Variants in FGF3 observed in about 807,000 individuals in gnomAD.
FGF3 encodes the protein fibroblast growth factor 3.
FGF3 carries 7 observed loss-of-function variants against 9.8 expected under a neutral mutation model. The ratio of observed to expected loss-of-function variants is 0.72; its 90% CI spans 0.41 to 1.35. FGF3 has a LOEUF of 1.35. Among genes scored for constraint, FGF3 ranks in the 40% most tolerant of loss-of-function variants. The pLI is 0.01. For missense variants in FGF3, 390 were observed against 345.6 expected, an observed-to-expected ratio of 1.13 and a Z score of -1.02; for synonymous variants, 173 against 157.2, an observed-to-expected ratio of 1.10 and a Z score of -0.75.
rs11263586 is a variant in FGF3 at position 69,810,903 on chromosome 11, T to A, written c.325-203A>T. 7.7e-3 allele frequency among the ~76,000 whole-genome samples: 1,179 copies of A among 152,360 alleles called. 12 individuals are homozygous for A. The highest frequency in any genetic ancestry group is 0.026 in the African/African-American group (1,094 of 41,576). On this transcript the variant is annotated intron_variant, in intron 2 of 2. Coordinates refer to ENST00000334134, the MANE Select transcript of FGF3 (RefSeq NM_005247.4). ...TCCTCCCCTGTGTGCCTGGTGAACT[T>A]GGCCTTCTGCCTAAAGGTCACCTTC...
Position 69,818,977 on chromosome 11 carries a change from G to A in FGF3, c.-44C>T. 1.5e-6 allele frequency: 2 copies of A among 1,344,380 alleles called. No individual in the cohort carries two copies. The highest frequency in any genetic ancestry group is 2.0e-6 in the Non-Finnish European group (2 of 1,017,302). The allele number at this position is 1,344,380 out of a possible 1,614,324, so 83.3% of individuals were successfully genotyped here. ...CCGCGGCGGCGGCGGCTGCAGGCGA[G>A]CGCGGCGCCCATGGAAGGGGCGGCA... On this transcript the variant is annotated 5_prime_UTR_variant, in exon 1 of 3. Coordinates refer to ENST00000334134, the MANE Select transcript of FGF3 (RefSeq NM_005247.4).
chr11:69,814,020 C>A (rs1398072503), intron 2 of FGF3, among the ~76,000 whole-genome samples: 1 of 150,334 alleles, frequency 6.7e-6, no homozygotes, highest in Non-Finnish European at 1.5e-5. Flanking sequence ...TGTGAATGGG[C>A]AGATGGACAG....
chr11:69,815,508 G>A (rs1228070747), intron 2 of FGF3, among the ~76,000 whole-genome samples: 3 of 152,202 alleles, frequency 2.0e-5, no homozygotes, highest in Non-Finnish European at 4.4e-5. Flanking sequence ...TGCGGGATGT[G>A]TCCTCTGTGA....
chr11:69,811,639 G>T (rs1035694179), intron 2 of FGF3, among the ~76,000 whole-genome samples: 2 of 152,176 alleles, frequency 1.3e-5, no homozygotes, highest in Non-Finnish European at 2.9e-5. Flanking sequence ...TAAGCTGGAG[G>T]ATCTCGCCTT....
chr11:69,817,322 A>C (rs1013469412), intron 1 of FGF3, among the ~76,000 whole-genome samples: 18 of 152,290 alleles, frequency 1.2e-4, no homozygotes, highest in African/African-American at 3.6e-4. Flanking sequence ...CTTTTGCTCC[A>C]GCCCAGGGGT....
chr11:69,813,644 ATGGGTGGATGGATGGATGGGTGGATGGC>A (rs1856065545), intron 2 of FGF3, among the ~76,000 whole-genome samples: 4 of 108,812 alleles, frequency 3.7e-5, no homozygotes, highest in Non-Finnish European at 5.9e-5. Flanking sequence ...GGATGGGTGG[ATGGGTGGATGGATGGATGGGTGGATGGC>A]TGGATGGATG....
At chr11:69,810,800 C>T (rs144023034) in intron 2 of FGF3, 100 bp from the exon 3 acceptor site, 5 of 1,099,448 alleles carry the variant, frequency 4.5e-6, no homozygotes, top group East Asian at 5.4e-5. Flanking sequence ...TGAGGCTGTT[C>T]GGTCCAGTGC....
chr11:69,814,384 T>C (rs1554980863), intron 2 of FGF3, among the ~76,000 whole-genome samples: 2 of 150,846 alleles, frequency 1.3e-5, no homozygotes, highest in South Asian at 4.2e-4. Flanking sequence ...GAGTGGCTGG[T>C]GGGGCGATGA....
chr11:69,813,179 A>C (rs547362358), intron 2 of FGF3, among the ~76,000 whole-genome samples: 2 of 152,278 alleles, frequency 1.3e-5, no homozygotes, highest in East Asian at 3.9e-4. Context: ...GTGACTTCTA[A>C]AGGGAGCTGT....
chr11:69,810,741 T>A (rs1554980397), intron 2 of FGF3, 41 bp from the exon 3 acceptor site: 1 of 1,500,730 alleles, frequency 6.7e-7, no homozygotes, highest in Non-Finnish European at 8.9e-7. Flanking sequence ...CCGGGGAGAC[T>A]GTGGCAGCGT....
At position 69,819,259 on chromosome 11, in the gene FGF3, A is replaced by C. The variant is rs551221036; in HGVS notation, c.-326T>G. ...AAAGGCCGACGTGGTCCCCAGGCGGAGGCGCGGGAGGGGCGGGAGGCCGGC... is the reference window on the plus strand; with the variant it reads ...AAAGGCCGACGTGGTCCCCAGGCGGCGGCGCGGGAGGGGCGGGAGGCCGGC... On this transcript the variant is annotated 5_prime_UTR_variant, in exon 1 of 3. Coordinates refer to ENST00000334134, the MANE Select transcript of FGF3 (RefSeq NM_005247.4). Among the ~76,000 whole-genome samples, 1,163 of 150,836 alleles carry C rather than the reference A, an allele frequency of 7.7e-3. 14 individuals carry two copies. The Middle Eastern group carries it at 0.097, about 13-fold the overall frequency.
intron 2 of FGF3, among the ~76,000 whole-genome samples, chr11:69,813,121 C>T (rs1272939926): frequency 1.3e-5 from 2 of 152,274 alleles, no homozygotes; most frequent in Non-Finnish European, 2.9e-5. Context: ...GCTTCCACCC[C>T]ATGAAGGGTG....
chr11:69,811,021 T>A (rs1856022201), intron 2 of FGF3, among the ~76,000 whole-genome samples: 1 of 152,178 alleles, frequency 6.6e-6, no homozygotes, highest in African/African-American at 2.4e-5. Context: ...AGCAAAGGGA[T>A]GTGTAGGGTT....
chr11:69,818,793 C>A lies in FGF3; in HGVS notation c.141G>T (p.Lys47Asn), dbSNP rs1317320809. Residue 47 changes from lysine to asparagine, a missense_variant, in exon 1 of 3, where the codon AAG becomes AAT. Coordinates refer to ENST00000334134, the MANE Select transcript of FGF3 (RefSeq NM_005247.4). ...GGTGGTACTTCGTGGCGCAGTAGAG[C>A]TTGCGGCGCCGGGGCGCCCCGCCAA... is the stretch of plus-strand genomic sequence containing the variant. ...EHLGGAPRRR[K>N]LYCATKYHLQ... 4 of 1,493,650 alleles carry A rather than the reference C, an allele frequency of 2.7e-6. No homozygotes were observed. The highest frequency in any genetic ancestry group is 2.7e-6 in the Non-Finnish European group (3 of 1,128,568). The allele number at this position is 1,493,650 out of a possible 1,614,324, so 92.5% of individuals were successfully genotyped here.
At chr11:69,810,930 C>T (rs1297456606) in intron 2 of FGF3, among the ~76,000 whole-genome samples, 1 of 152,238 alleles carries the variant, frequency 6.6e-6, no homozygotes, top group Non-Finnish European at 1.5e-5. Flanking sequence ...GTCACCTTCA[C>T]TCAAAGCTGT....
chr11:69,815,747 C>G (rs1856121289), intron 2 of FGF3, among the ~76,000 whole-genome samples: 1 of 152,162 alleles, frequency 6.6e-6, no homozygotes, highest in Non-Finnish European at 1.5e-5. Context: ...TAAGGAGACC[C>G]TTTTTGGTTA....
At chr11:69,815,266 GTGGATGGA>G (rs1186729045) in intron 2 of FGF3, among the ~76,000 whole-genome samples, 1 of 149,336 alleles carries the variant, frequency 6.7e-6, no homozygotes, top group Non-Finnish European at 1.5e-5. Context: ...GGATGGATAG[GTGGATGGA>G]TGGATGGGTG....
In FGF3 at chr11:69,819,287, G is replaced by C. The variant is rs1296199530; in HGVS notation, c.-354C>G. ...CGCGGGAGGGGCGGGAGGCCGGCGG[G>C]TGGGGAGCCCCGCGGGGCTCGGGGT... On this transcript the variant is annotated 5_prime_UTR_variant, in exon 1 of 3. Transcript: ENST00000334134. 4.0e-5 allele frequency among the ~76,000 whole-genome samples: 6 copies of C among 151,532 alleles called. No individual in the cohort carries two copies. Among genetic ancestry groups the C allele is most frequent in the African/African-American group, 4.8e-5 (2 of 41,444 alleles).
In FGF3 at chr11:69,816,553, G is replaced by A. The variant is rs1446954622; in HGVS notation, c.221-130C>T. 157 of 693,068 alleles carry A rather than the reference G, an allele frequency of 2.3e-4. 2 individuals carry two copies. The East Asian group carries it at 4.1e-3, about 18-fold the overall frequency. The allele number at this position is 693,068 out of a possible 1,614,324, so 42.9% of individuals were successfully genotyped here. A position where few individuals can be genotyped will look rare whatever the true frequency, so the allele number is the denominator to read the frequency against. On this transcript the variant is annotated intron_variant, in intron 1 of 2. Coordinates refer to ENST00000334134, the MANE Select transcript of FGF3 (RefSeq NM_005247.4). ...GGGTAGCACACACCCCACAGGTCGGGGAGTGAGTGGAAGTTCAGGAAGGGA... is the reference window on the plus strand; with the variant it reads ...GGGTAGCACACACCCCACAGGTCGGAGAGTGAGTGGAAGTTCAGGAAGGGA...
Sources: allele counts gnomAD v4.1 joint callset (sites outside exome capture counted in the v4.1 genomes callset), GRCh38; gene constraint gnomAD v4.1.1; transcripts MANE v1.5; gene names NCBI Gene and HGNC (gene_info 2026-07-23, HGNC 2026-07-21).